Variants in ABCG8 observed in about 807,000 individuals in gnomAD.
ABCG8 encodes the protein ATP binding cassette subfamily G member 8, also known as ATP-binding cassette sub-family G member 8.
In ABCG8, 81 loss-of-function variants were observed where a neutral mutation model predicts 71.3. The observed-to-expected ratio is 1.14, with a 90% CI of 0.95 to 1.37. ABCG8 has a LOEUF of 1.37. Ranked by LOEUF, ABCG8 falls within the 40% of genes most tolerant of loss-of-function variation. ABCG8 has a pLI of 0.00. For missense variants in ABCG8, 1,119 were observed against 866.2 expected, an observed-to-expected ratio of 1.29 and a Z score of -3.66; for synonymous variants, 451 against 354.7, an observed-to-expected ratio of 1.27 and a Z score of -3.05.
In ABCG8 at chr2:43,879,133, G is replaced by A. The variant is rs760966891; in HGVS notation, c.*1220G>A. On this transcript the variant is annotated 3_prime_UTR_variant, in exon 13 of 13. Coordinates refer to ENST00000272286, the MANE Select transcript of ABCG8 (RefSeq NM_022437.3). ...AGATGAATACACTGGCCCTGCCTGG[G>A]TTTCAGAACCAGCCTTGAACCTTTC... 4 of 152,250 alleles carry A rather than the reference G, an allele frequency of 2.6e-5. No homozygotes were observed. The highest frequency in any genetic ancestry group is 9.7e-5 in the African/African-American group (4 of 41,424). 9.4% of individuals were successfully genotyped at this position (152,250 alleles called of 1,614,324 possible).
rs947171616 is a variant in ABCG8 at position 43,846,501 on chromosome 2, G to C, written c.322+190G>C. 1.3e-5 allele frequency: 10 copies of C among 795,888 alleles called. No homozygotes were observed. In the South Asian group the frequency reaches 1.6e-4, roughly 13 times the overall value. The allele number at this position is 795,888 out of a possible 1,614,324, so 49.3% of individuals were successfully genotyped here. ...CTGGCTCCTCCATTTGCTGGCTTGA[G>C]GGTAGGTGCTGTTGTTAAGAGTCAT... On this transcript the variant is annotated intron_variant, in intron 3 of 12. Coordinates refer to ENST00000272286, the MANE Select transcript of ABCG8 (RefSeq NM_022437.3).
At chr2:43,873,493 G>C (rs1669850864) in intron 8 of ABCG8, among the ~76,000 whole-genome samples, 1 of 152,066 alleles carries the variant, frequency 6.6e-6, no homozygotes, top group Admixed American at 6.6e-5. Flanking sequence ...CGCCCAGCCT[G>C]TCCGTACATC....
chr2:43,852,208 T>C (rs1436776191), intron 4 of ABCG8, 146 bp from the exon 5 acceptor site: 1 of 1,128,720 alleles, frequency 8.9e-7, no homozygotes, highest in Non-Finnish European at 1.3e-6. Flanking sequence ...GAACCAATGT[T>C]GCAGCTTGGA....
At chr2:43,850,540 T>G (rs1455843637) in intron 3 of ABCG8, among the ~76,000 whole-genome samples, 4 of 152,202 alleles carry the variant, frequency 2.6e-5, no homozygotes, top group African/African-American at 9.7e-5. Context: ...GTTGTACAGA[T>G]TATTTAATCA....
At chr2:43,844,452 T>G in intron 1 of ABCG8, 55 bp from the exon 2 acceptor site, 2 of 1,434,726 alleles carry the variant, frequency 1.4e-6, no homozygotes, top group Admixed American at 3.4e-5. Context: ...TCTTGTCTTC[T>G]CCTATGTTCT....
chr2:43,866,471 TC>T (rs1416548124), intron 6 of ABCG8, among the ~76,000 whole-genome samples: 1 of 151,818 alleles, frequency 6.6e-6, no homozygotes, highest in Non-Finnish European at 1.5e-5. Context: ...ATATCCAGAA[TC>T]TACAATGAAG....
At chr2:43,855,897 G>T (rs1430395367) in intron 6 of ABCG8, among the ~76,000 whole-genome samples, 1 of 151,814 alleles carries the variant, frequency 6.6e-6, no homozygotes, top group Non-Finnish European at 1.5e-5. Context: ...TGTCTGGATA[G>T]AATTCTCACC....
chr2:43,851,486 A>C (rs1234462768), intron 3 of ABCG8, 98 bp from the exon 4 acceptor site: 1 of 1,355,218 alleles, frequency 7.4e-7, no homozygotes, highest in Non-Finnish European at 1.1e-6. Flanking sequence ...GCACGGACAG[A>C]GTAGTCCGGG....
Position 43,878,737 on chromosome 2 carries a change from C to T in ABCG8, c.*824C>T, listed in dbSNP as rs536380246. The stretch of plus-strand genomic sequence containing the variant: ...TGTAGAGGCTGTTAACTCAGCCAGG[C>T]TTCTTAGAGTTGCATTTCACTAACT... On this transcript the variant is annotated 3_prime_UTR_variant, in exon 13 of 13. Transcript: ENST00000272286. 2.0e-5 allele frequency: 3 copies of T among 152,436 alleles called. No individual in the cohort carries two copies. Among genetic ancestry groups the T allele is most frequent in the South Asian group, 2.1e-4 (1 of 4,830 alleles). 9.4% of individuals were successfully genotyped at this position (152,436 alleles called of 1,614,324 possible).
rs1312556685 is a variant in ABCG8, at chr2:43,882,687, G to A, written c.*4774G>A. The A allele has an allele frequency of 1.3e-5, 2 of 152,212 alleles. No homozygotes were observed. The highest frequency in any genetic ancestry group is 4.8e-5 in the African/African-American group (2 of 41,452). 9.4% of individuals were successfully genotyped at this position (152,212 alleles called of 1,614,324 possible). A position where few individuals can be genotyped will look rare whatever the true frequency, so the allele number is the denominator to read the frequency against. On this transcript the variant is annotated 3_prime_UTR_variant, in exon 13 of 13. Coordinates refer to ENST00000272286, the MANE Select transcript of ABCG8 (RefSeq NM_022437.3). ...CCCCTGTCTTTATCACATGAGCTCT[G>A]CCTGAGGCAGCTTCAGCAGGTAGGC...
chr2:43,852,930 C>G (rs1219508359), intron 6 of ABCG8, 62 bp downstream of exon 6: 18 of 1,597,178 alleles, frequency 1.1e-5, no homozygotes, highest in Non-Finnish European at 1.5e-5. Flanking sequence ...TGCTTAAACC[C>G]TGCCCAAGCT....
chr2:43,868,636 C>T (rs574523591), intron 6 of ABCG8, among the ~76,000 whole-genome samples: 9 of 151,558 alleles, frequency 5.9e-5, no homozygotes, highest in Non-Finnish European at 1.0e-4. Flanking sequence ...GTCTGGATAG[C>T]ACTCTCACTA....
rs751291659 is a variant in ABCG8 at position 43,851,654 on chromosome 2, G to C, written c.393G>C (p.Gln131His). ...ACGGCGGCAAGATCAAGTCAGGCCAGATCTGGATCAATGGGCAGCCCAGCT... is the reference window on the plus strand; with the variant it reads ...ACGGCGGCAAGATCAAGTCAGGCCACATCTGGATCAATGGGCAGCCCAGCT... Reference protein sequence around the residue: ...RGHGGKIKSGQIWINGQPSSP... With the variant: ...RGHGGKIKSGHIWINGQPSSP... Residue 131 changes from glutamine to histidine, a missense_variant, in exon 4 of 13, where the codon CAG becomes CAC. By Grantham distance (24) the Gln-to-His change is conservative. Coordinates refer to ENST00000272286, the MANE Select transcript of ABCG8 (RefSeq NM_022437.3). 2.0e-5 allele frequency: 33 copies of C among 1,614,264 alleles called. No homozygotes were observed. The highest frequency in any genetic ancestry group is 2.6e-5 in the Non-Finnish European group (31 of 1,180,054).
intron 11 of ABCG8, among the ~76,000 whole-genome samples, chr2:43,875,931 C>T (rs1669946381): frequency 6.6e-6 from 1 of 152,208 alleles, no homozygotes; most frequent in South Asian, 2.1e-4. Context: ...CACACCCCAC[C>T]CTCTCACCTC....
chr2:43,874,310 A>G (rs560941985), intron 9 of ABCG8, 97 bp from the exon 10 acceptor site: 3 of 1,092,966 alleles, frequency 2.7e-6, no homozygotes, highest in Non-Finnish European at 2.8e-6. Flanking sequence ...GGGCAATATG[A>G]TAACTACTTT....
In ABCG8 at chr2:43,872,097, A is replaced by G; in HGVS notation, c.1086A>G (p.Lys362=). The change falls in exon 7 of 13, where the codon AAA becomes AAG. Residue 362 remains lysine (K), a synonymous_variant. Coordinates refer to ENST00000272286, the MANE Select transcript of ABCG8 (RefSeq NM_022437.3). ...GTGACTTAGATGACTTTCTATGGAA[A>G]GCAGAGACGAAGGATCTTGACGAGG... ...KVRDLDDFLW[K]AETKDLDEDT... is the part of the protein sequence containing the mutation. The G allele has an allele frequency of 6.2e-7, 1 of 1,614,136 alleles. No homozygotes were observed. The highest frequency in any genetic ancestry group is 8.5e-7 in the Non-Finnish European group (1 of 1,180,044).
At chr2:43,867,113 G>T (rs899809410) in intron 6 of ABCG8, among the ~76,000 whole-genome samples, 1 of 149,306 alleles carries the variant, frequency 6.7e-6, no homozygotes, top group African/African-American at 2.5e-5. Flanking sequence ...ACCAAACACC[G>T]CATGTTCTCA....
In ABCG8 at chr2:43,846,209, C is replaced by A. The variant is rs373610655; in HGVS notation, c.220C>A (p.Pro74Thr). Reference protein sequence around the residue: ...WFEQLAQFKMPWTSPSCQNSC... With the variant: ...WFEQLAQFKMTWTSPSCQNSC... ...TGAGCAGCTGGCTCAGTTCAAGATGCCCTGGACATCTCCCAGCTGCCAGAA... is the reference window on the plus strand; with the variant it reads ...TGAGCAGCTGGCTCAGTTCAAGATGACCTGGACATCTCCCAGCTGCCAGAA... Residue 74 changes from proline (P) to threonine (T), a missense_variant, in exon 3 of 13, where the codon CCC (proline) becomes ACC (threonine). Transcript: ENST00000272286. The A allele has an allele frequency of 6.2e-7, 1 of 1,613,968 alleles. No individual in the cohort carries two copies. Among genetic ancestry groups the A allele is most frequent in the Non-Finnish European group, 8.5e-7 (1 of 1,180,032 alleles).
intron 6 of ABCG8, among the ~76,000 whole-genome samples, chr2:43,857,330 C>T (rs1669147422): frequency 6.6e-6 from 1 of 151,638 alleles, no homozygotes; most frequent in Non-Finnish European, 1.5e-5. Context: ...AATTCTTACT[C>T]TCTGGATAGA....
Sources: allele counts gnomAD v4.1 joint callset (sites outside exome capture counted in the v4.1 genomes callset), GRCh38; gene constraint gnomAD v4.1.1; transcripts MANE v1.5; gene names NCBI Gene and HGNC (gene_info 2026-07-23, HGNC 2026-07-21).